Variants in SDK1 observed in about 807,000 individuals in gnomAD.
SDK1 encodes the protein sidekick cell adhesion molecule 1.
In SDK1, 157 loss-of-function variants were observed where a neutral mutation model predicts 245.5. The ratio of observed to expected loss-of-function variants is 0.64; its 90% confidence interval spans 0.56 to 0.73. The LOEUF is 0.73. Among genes scored for constraint, SDK1 ranks in the 30% least tolerant of loss-of-function variants. The pLI is 0.00. For missense variants in SDK1, 3,583 were observed against 3,002.3 expected (o/e 1.19, Z -4.52); for synonymous variants, 1,647 against 1,278.5 (o/e 1.29, Z -6.15).
chr7:3,372,721 C>G (rs986885925), intron 1 of SDK1, among the ~76,000 whole-genome samples: 1 of 152,106 alleles, frequency 6.6e-6, no homozygotes, highest in African/African-American at 2.4e-5. Context: ...CCTTAGTGAT[C>G]CATGCTGAAA....
intron 1 of SDK1, among the ~76,000 whole-genome samples, chr7:3,588,559 C>T (rs774291769): frequency 9.2e-5 from 14 of 152,182 alleles, no homozygotes; most frequent in Non-Finnish European, 1.8e-4. Flanking sequence ...CTGCAGGGTG[C>T]GTTCCTAGAT....
chr7:3,882,114 C>G (rs1193682832), intron 5 of SDK1, among the ~76,000 whole-genome samples: 2 of 152,164 alleles, frequency 1.3e-5, no homozygotes, highest in Non-Finnish European at 2.9e-5. Context: ...GGGGAAACTC[C>G]TATAAAATCA....
rs1214779227 is a variant in SDK1 at position 3,477,473 on chromosome 7, T to A, written c.299-141607T>A. Among the ~76,000 whole-genome samples, 4 of 151,576 alleles carry A rather than the reference T, an allele frequency of 2.6e-5. No individual in the cohort carries two copies. In the East Asian group the frequency reaches 7.7e-4, roughly 29 times the overall value. ...TCCCAAAGTGTTGGGATTACACGTG[T>A]GAGCCACCCTGCTCGGCCTATGGTT... On this transcript the variant is annotated intron_variant, in intron 1 of 44. Coordinates refer to ENST00000404826, the MANE Select transcript of SDK1 (RefSeq NM_152744.4).
Position 4,113,437 on chromosome 7 carries a change from G to T in SDK1, c.3583G>T (p.Val1195Leu). 1 of 1,613,682 alleles carries T rather than the reference G, an allele frequency of 6.2e-7. No homozygotes were observed. Among genetic ancestry groups the T allele is most frequent in the Non-Finnish European group, 8.5e-7 (1 of 1,180,006 alleles). The change falls in exon 24 of 45, where the codon GTG (valine) becomes TTG (leucine). Residue 1195 changes from valine (V) to leucine (L), a missense_variant and splice_region_variant. Coordinates refer to ENST00000404826, the MANE Select transcript of SDK1 (RefSeq NM_152744.4). ...ASETSLRLRW[V>L]PLPDSQYNGN... ...TGAGACCAGCCTGCGGCTTCGCTGG[G>T]TGGTGAGTGGGGGTGAGAAGGGAGG...
intron 1 of SDK1, among the ~76,000 whole-genome samples, chr7:3,596,644 T>G (rs1781077359): frequency 6.6e-6 from 1 of 152,206 alleles, no homozygotes; most frequent in African/African-American, 2.4e-5. Context: ...TTTTTCTGAT[T>G]TCTTTTCAAA....
intron 20 of SDK1, among the ~76,000 whole-genome samples, chr7:4,072,507 C>T (rs556604784): frequency 3.3e-5 from 5 of 152,336 alleles, no homozygotes; most frequent in Admixed American, 1.3e-4. Flanking sequence ...ATCAGGGGAG[C>T]TCCCCCCAGC....
At chr7:3,394,381 A>C (rs1781839624) in intron 1 of SDK1, among the ~76,000 whole-genome samples, 1 of 152,152 alleles carries the variant, frequency 6.6e-6, no homozygotes, top group African/African-American at 2.4e-5. Context: ...ATTCGTAATT[A>C]TGTGCCATTG....
chr7:3,451,646 G>A (rs868208117), intron 1 of SDK1, among the ~76,000 whole-genome samples: 1 of 152,158 alleles, frequency 6.6e-6, no homozygotes, highest in South Asian at 2.1e-4. Flanking sequence ...ATAGGACTGA[G>A]TGATTTACTG....
chr7:3,504,874 A>G (rs113612334), intron 1 of SDK1, among the ~76,000 whole-genome samples: 2,242 of 152,254 alleles, frequency 0.015, 32 homozygotes, highest in Non-Finnish European at 0.023. Flanking sequence ...GTTAAAATAC[A>G]ATTAATATAT....
intron 44 of SDK1, 110 bp downstream of exon 44, chr7:4,245,915 C>CA: frequency 7.6e-7 from 1 of 1,313,186 alleles, no homozygotes; most frequent in South Asian, 1.3e-5. Context: ...AACATCCCCA[C>CA]AGGCAGAGCC....
chr7:4,011,996 T>C, intron 15 of SDK1, 99 bp from the exon 16 acceptor site: 2 of 1,084,298 alleles, frequency 1.8e-6, no homozygotes. Context: ...TTTTTGTGAA[T>C]AGTCAGGCTC....
At chr7:3,776,194 CTT>C (rs1001557969) in intron 4 of SDK1, among the ~76,000 whole-genome samples, 3 of 152,188 alleles carry the variant, frequency 2.0e-5, no homozygotes, top group Non-Finnish European at 2.9e-5. Context: ...GTAGCATTTG[CTT>C]TGGAGGAGCT....
chr7:3,775,269 A>G lies in SDK1; in HGVS notation c.714-46181A>G, dbSNP rs970514023. The stretch of plus-strand genomic sequence containing the variant: ...CACTATTTTGGCCCTCTTGGTTTCT[A>G]TTAAGTTGGACCATATGTAATTGTC... On this transcript the variant is annotated intron_variant, in intron 4 of 44. Transcript: ENST00000404826. Among the ~76,000 whole-genome samples, 7 of 152,208 alleles carry G rather than the reference A, an allele frequency of 4.6e-5. No individual in the cohort carries two copies. In the East Asian group the frequency reaches 5.8e-4, roughly 13 times the overall value.
At chr7:3,781,994 A>G (rs1000413299) in intron 4 of SDK1, among the ~76,000 whole-genome samples, 2 of 152,234 alleles carry the variant, frequency 1.3e-5, no homozygotes, top group Non-Finnish European at 2.9e-5. Context: ...CAGAAACTAT[A>G]TTTAAAGAAA....
chr7:3,612,321 A>G (rs1357614056), intron 1 of SDK1, among the ~76,000 whole-genome samples: 1 of 152,236 alleles, frequency 6.6e-6, no homozygotes, highest in Admixed American at 6.5e-5. Flanking sequence ...ATTTAACTAG[A>G]GTGGCACATA....
At chr7:3,850,937 A>G (rs554010144) in intron 5 of SDK1, among the ~76,000 whole-genome samples, 9 of 152,222 alleles carry the variant, frequency 5.9e-5, no homozygotes, top group Non-Finnish European at 1.0e-4. Flanking sequence ...CAGAACACCA[A>G]CATGGCACAT....
Position 3,964,961 on chromosome 7 carries a change from C to T in SDK1, c.1429+2110C>T, listed in dbSNP as rs563007542. On this transcript the variant is annotated intron_variant, in intron 9 of 44. Transcript: ENST00000404826. ...CAAGCAGTAGAAATAATATGGAATG[C>T]TCAAGTCAGAACATGAGTCTTGATT... Among the ~76,000 whole-genome samples the T allele has an allele frequency of 2.0e-5, 3 of 152,296 alleles. No homozygotes were observed. In the South Asian group the frequency reaches 6.2e-4, roughly 32 times the overall value.
chr7:3,614,319 C>T (rs902412786), intron 1 of SDK1, among the ~76,000 whole-genome samples: 2 of 152,092 alleles, frequency 1.3e-5, no homozygotes, highest in Admixed American at 1.3e-4. Context: ...ATTCTAGGGT[C>T]TTCTAATGTT....
At position 3,580,991 on chromosome 7, in the gene SDK1, AAAACCAAAAC is replaced by A. The variant is rs1381593450; in HGVS notation, c.299-38085_299-38076del. 2.8e-4 allele frequency among the ~76,000 whole-genome samples: 38 copies of A among 137,312 alleles called. 3 individuals carry two copies. The highest frequency in any genetic ancestry group is 1.2e-3 in the East Asian group (5 of 4,324). The allele number at this position is 137,312 out of a possible 152,430, so 90.1% of individuals were successfully genotyped here. On this transcript the variant is annotated intron_variant, in intron 1 of 44. Coordinates refer to ENST00000404826, the MANE Select transcript of SDK1 (RefSeq NM_152744.4). ...CTCAAAAAAAAAAAAAAAAAAAAAA[AAAACCAAAAC>A]AAAACCCTGGAAGACAATCTATGCA...
Sources: allele counts gnomAD v4.1 joint callset (sites outside exome capture counted in the v4.1 genomes callset), GRCh38; gene constraint gnomAD v4.1.1; transcripts MANE v1.5; gene names NCBI Gene and HGNC (gene_info 2026-07-23, HGNC 2026-07-21).